CSGALNACT1: variants seen among roughly 807,000 people sequenced by gnomAD.
The protein encoded by CSGALNACT1 is beta4GalNAcT-1.
CSGALNACT1 carries 52 observed loss-of-function variants against 51.0 expected under a neutral mutation model. The ratio of observed to expected loss-of-function variants is 1.02; its 90% confidence interval spans 0.82 to 1.29. The LOEUF (loss-of-function observed/expected upper bound fraction) is 1.29, where lower values mean the gene tolerates loss of function less well. CSGALNACT1 is among the 50% of genes most tolerant of loss of function. The pLI is 0.00. For synonymous variants in CSGALNACT1, 341 were observed against 254.4 expected (o/e 1.34, Z -3.24); for missense variants, 935 against 679.2 (o/e 1.38, Z -4.19).
chr8:19,489,488 G>C (rs2073880981), intron 4 of CSGALNACT1, among the ~76,000 whole-genome samples: 1 of 152,104 alleles, frequency 6.6e-6, no homozygotes, highest in African/African-American at 2.4e-5. Flanking sequence ...CCCTCAACCT[G>C]TGGTCTTCTT....
chr8:19,460,259 C>CAGAGAGAG (rs376948743), intron 4 of CSGALNACT1, among the ~76,000 whole-genome samples: 1 of 151,146 alleles, frequency 6.6e-6, no homozygotes, highest in Non-Finnish European at 1.5e-5. Flanking sequence ...CAGGGAGACA[C>CAGAGAGAG]AGAGAGAGAG....
At chr8:19,443,029 C>G (rs578005751) in intron 5 of CSGALNACT1, among the ~76,000 whole-genome samples, 1 of 152,246 alleles carries the variant, frequency 6.6e-6, no homozygotes, top group South Asian at 2.1e-4. Context: ...TCCCAGGCAC[C>G]GAGCACCTCA....
intron 1 of CSGALNACT1, among the ~76,000 whole-genome samples, chr8:19,667,008 A>AAGGAAGG (rs1564386127): frequency 1.1e-3 from 35 of 31,434 alleles, no homozygotes; most frequent in Admixed American, 3.3e-3. Context: ...AGAAAGAAAG[A>AAGGAAGG]AAGAAAGAAA....
At chr8:19,614,849 G>A (rs902160434) in intron 1 of CSGALNACT1, among the ~76,000 whole-genome samples, 1 of 152,300 alleles carries the variant, frequency 6.6e-6, no homozygotes, top group South Asian at 2.1e-4. Flanking sequence ...CTGGCCACTG[G>A]CTGGTTACTT....
At chr8:19,487,514 A>G (rs1251547906) in intron 4 of CSGALNACT1, among the ~76,000 whole-genome samples, 1 of 152,168 alleles carries the variant, frequency 6.6e-6, no homozygotes, top group Non-Finnish European at 1.5e-5. Context: ...CTAGAATCTA[A>G]TCGCTATTAA....
At chr8:19,569,388 A>G (rs1588472790) in intron 3 of CSGALNACT1, among the ~76,000 whole-genome samples, 1 of 152,194 alleles carries the variant, frequency 6.6e-6, no homozygotes, top group East Asian at 1.9e-4. Context: ...AAACTCATCA[A>G]AGCAGGAGTG....
intron 1 of CSGALNACT1, among the ~76,000 whole-genome samples, chr8:19,623,286 G>C (rs963913038): frequency 1.3e-5 from 2 of 152,172 alleles, no homozygotes; most frequent in African/African-American, 4.8e-5. Flanking sequence ...ATTAAAGGGA[G>C]AAGTAATAAT....
At chr8:19,627,105 C>T (rs1015576781) in intron 1 of CSGALNACT1, among the ~76,000 whole-genome samples, 9 of 152,296 alleles carry the variant, frequency 5.9e-5, no homozygotes, top group Middle Eastern at 3.4e-3. Context: ...CATCAGTTTT[C>T]GCAGCAGCTT....
intron 3 of CSGALNACT1, among the ~76,000 whole-genome samples, chr8:19,578,842 T>A (rs2044886113): frequency 6.6e-6 from 1 of 151,970 alleles, no homozygotes; most frequent in African/African-American, 2.4e-5. Context: ...CATTTTTGAG[T>A]CTTCATCCTA....
At chr8:19,432,457 G>A (rs1426950578) in intron 6 of CSGALNACT1, among the ~76,000 whole-genome samples, 1 of 152,092 alleles carries the variant, frequency 6.6e-6, no homozygotes. Flanking sequence ...TAGATATGTA[G>A]ATTAATGTTT....
In CSGALNACT1 at chr8:19,557,553, G is replaced by C. The variant is rs1424272051; in HGVS notation, c.-297+33607C>G. Among the ~76,000 whole-genome samples the C allele has an allele frequency of 2.6e-5, 4 of 152,018 alleles. No individual in the cohort carries two copies. The East Asian group carries it at 7.7e-4, about 29-fold the overall frequency. ...GCCACACAGGCCTATTCGTTGTTTT[G>C]GGGACACACCAGCATTTGTACTTTC... On this transcript the variant is annotated intron_variant, in intron 3 of 9. Coordinates refer to ENST00000454498, the Ensembl canonical transcript of CSGALNACT1.
intron 1 of CSGALNACT1, chr8:19,682,417 C>T (rs2060686693): frequency 5.9e-6 from 2 of 336,832 alleles, no homozygotes; most frequent in South Asian, 4.7e-5. Context: ...ACTCCCCAAA[C>T]AGAAAGTTGC....
intron 5 of CSGALNACT1, among the ~76,000 whole-genome samples, chr8:19,448,332 G>GT (rs2062501345): frequency 6.6e-6 from 1 of 152,164 alleles, no homozygotes; most frequent in East Asian, 1.9e-4. Context: ...TACAAAGGAT[G>GT]ACCATGTATG....
upstream of CSGALNACT1, among the ~76,000 whole-genome samples, chr8:19,605,739 C>A (rs899404070): frequency 5.3e-5 from 8 of 152,126 alleles, no homozygotes; most frequent in Non-Finnish European, 1.2e-4. Flanking sequence ...CCCTTCCCCA[C>A]CCCCAAAGAA....
chr8:19,592,369 T>C (rs1657048146), intron 2 of CSGALNACT1, among the ~76,000 whole-genome samples: 1 of 152,200 alleles, frequency 6.6e-6, no homozygotes, highest in African/African-American at 2.4e-5. Flanking sequence ...TGTATACACT[T>C]ATTCTCAAAT....
At chr8:19,582,978 G>A (rs1317332031) in intron 3 of CSGALNACT1, among the ~76,000 whole-genome samples, 1 of 152,076 alleles carries the variant, frequency 6.6e-6, no homozygotes, top group African/African-American at 2.4e-5. Flanking sequence ...CCCAGTAAAT[G>A]GAATGGGCTA....
At chr8:19,644,882 T>A (rs2057117871) in intron 1 of CSGALNACT1, among the ~76,000 whole-genome samples, 1 of 152,146 alleles carries the variant, frequency 6.6e-6, no homozygotes, top group Non-Finnish European at 1.5e-5. Context: ...AACTGAGGCA[T>A]ATCCTATATC....
chr8:19,513,436 C>CTCTCTCTCTATATA lies in CSGALNACT1; in HGVS notation c.-296-7307_-296-7306insTATATAGAGAGAGA. On this transcript the variant is annotated intron_variant, in intron 3 of 9. Transcript: ENST00000454498. Reference sequence around the variant, plus strand: ...TCTCACTCTCTCTCTCTCTCTCTCTCTATATATATATATATATATATATAT... The same window carrying CTCTCTCTCTATATA: ...TCTCACTCTCTCTCTCTCTCTCTCTCTCTCTCTCTATATATATATATATATATATATATATATAT... Among the ~76,000 whole-genome samples the CTCTCTCTCTATATA allele has an allele frequency of 5.7e-3, 470 of 81,890 alleles. 4 individuals carry two copies. The highest frequency in any genetic ancestry group is 0.021 in the East Asian group (26 of 1,260). 53.7% of individuals were successfully genotyped at this position (81,890 alleles called of 152,430 possible). A position where few individuals can be genotyped will look rare whatever the true frequency, so the allele number is the denominator to read the frequency against.
chr8:19,534,705 C>T (rs1368367100), intron 3 of CSGALNACT1, among the ~76,000 whole-genome samples: 1 of 152,074 alleles, frequency 6.6e-6, no homozygotes, highest in Admixed American at 6.5e-5. Context: ...CCCAAGTGAC[C>T]TAAACTCTCT....
Sources: allele counts gnomAD v4.1 joint callset (sites outside exome capture counted in the v4.1 genomes callset), GRCh38; gene constraint gnomAD v4.1.1; transcripts MANE v1.5; gene names NCBI Gene and HGNC (gene_info 2026-07-23, HGNC 2026-07-21).